The following SPTLC2 variants were observed in gnomAD, a reference collection of about 807,000 sequenced individuals.
The protein encoded by SPTLC2 is serine palmitoyltransferase 2.
A neutral mutation model predicts 62.0 loss-of-function variants in SPTLC2; 21 were observed. The observed-to-expected ratio is 0.34, with a 90% confidence interval of 0.24 to 0.49. The LOEUF (loss-of-function observed/expected upper bound fraction) is 0.49, where lower values mean the gene tolerates loss of function less well. Ranked by LOEUF, SPTLC2 falls within the 20% of genes least tolerant of loss-of-function variation. The pLI is 0.99. For missense variants in SPTLC2, 511 were observed against 713.0 expected (o/e 0.72, Z 3.23); for synonymous variants, 261 against 261.8 (o/e 1.00, Z 0.03).
chr14:77,528,374 G>A (rs1207439247), intron 9 of SPTLC2, among the ~76,000 whole-genome samples: 2 of 152,112 alleles, frequency 1.3e-5, no homozygotes, highest in Admixed American at 1.3e-4. Flanking sequence ...TGGGATTACA[G>A]GCATGTGCCA....
At chr14:77,607,841 T>G (rs528406044) in intron 1 of SPTLC2, among the ~76,000 whole-genome samples, 1 of 152,206 alleles carries the variant, frequency 6.6e-6, no homozygotes, top group African/African-American at 2.4e-5. Flanking sequence ...GTCAAGCTTA[T>G]ACAGGAGGCA....
At chr14:77,529,888 A>G (rs895477701) in intron 9 of SPTLC2, among the ~76,000 whole-genome samples, 1 of 151,642 alleles carries the variant, frequency 6.6e-6, no homozygotes, top group Non-Finnish European at 1.5e-5. Flanking sequence ...CAGTAAAGCA[A>G]TTTCTAAGCA....
intron 10 of SPTLC2, among the ~76,000 whole-genome samples, chr14:77,519,674 C>T (rs1005144294): frequency 1.3e-5 from 2 of 152,144 alleles, no homozygotes; most frequent in Admixed American, 6.5e-5. Flanking sequence ...GCCGAGATCA[C>T]GCCATTGCAC....
At chr14:77,606,203 G>A (rs568584833) in intron 1 of SPTLC2, among the ~76,000 whole-genome samples, 7 of 152,150 alleles carry the variant, frequency 4.6e-5, no homozygotes, top group African/African-American at 1.4e-4. Context: ...GGTGGCGCAC[G>A]CCCATAATCC....
intron 2 of SPTLC2, among the ~76,000 whole-genome samples, chr14:77,591,988 T>A (rs11846793): frequency 0.024 from 3,650 of 152,130 alleles, 142 homozygotes; most frequent in African/African-American, 0.084. Flanking sequence ...CCTCCCAAAG[T>A]GCTAGGATTA....
At chr14:77,598,492 T>C (rs1033774665) in intron 1 of SPTLC2, among the ~76,000 whole-genome samples, 3 of 152,248 alleles carry the variant, frequency 2.0e-5, no homozygotes, top group Admixed American at 6.5e-5. Context: ...GTAAATGTTT[T>C]ACTACCACAC....
chr14:77,586,856 A>T (rs1440943331), intron 2 of SPTLC2, among the ~76,000 whole-genome samples: 1 of 152,158 alleles, frequency 6.6e-6, no homozygotes, highest in East Asian at 1.9e-4. Context: ...CCACAATGAG[A>T]CACTAGTACA....
In SPTLC2 at chr14:77,562,418, G is replaced by A; in HGVS notation, c.828C>T (p.Thr276=). The change falls in exon 6 of 12, where the codon ACC becomes ACT. Residue 276 remains threonine (T), a synonymous_variant. Transcript: ENST00000216484. ...CACTGTTGTGTTTGAAGATTCTAAT[G>A]GTTGCTCCTGACAGTCTGGCTCCCA... is the stretch of plus-strand genomic sequence containing the variant. ...LVLGARLSGA[T]IRIFKHNNMQ... 1 of 1,614,138 alleles carries A rather than the reference G, an allele frequency of 6.2e-7. No homozygotes were observed. The highest frequency in any genetic ancestry group is 1.7e-4 in the Middle Eastern group (1 of 6,060).
intron 2 of SPTLC2, among the ~76,000 whole-genome samples, chr14:77,589,373 T>C (rs1450394335): frequency 1.3e-5 from 2 of 152,178 alleles, no homozygotes; most frequent in African/African-American, 4.8e-5. Flanking sequence ...GTCATTTGTA[T>C]GTTTGTGTGT....
chr14:77,547,199 A>G (rs2079533456), intron 9 of SPTLC2, among the ~76,000 whole-genome samples: 1 of 151,414 alleles, frequency 6.6e-6, no homozygotes, highest in African/African-American at 2.4e-5. Flanking sequence ...TCCAAACAAC[A>G]GCATTCTAGG....
At chr14:77,549,353 T>A (rs1450896998) in intron 9 of SPTLC2, among the ~76,000 whole-genome samples, 1 of 151,920 alleles carries the variant, frequency 6.6e-6, no homozygotes, top group African/African-American at 2.4e-5. Context: ...TCAGAAAAGG[T>A]CATGGGGTTT....
At chr14:77,607,808 A>AT (rs2079912923) in intron 1 of SPTLC2, among the ~76,000 whole-genome samples, 4 of 152,342 alleles carry the variant, frequency 2.6e-5, no homozygotes, top group South Asian at 4.1e-4. Flanking sequence ...TGTCCTGGAA[A>AT]TAACCTGCTT....
At chr14:77,598,732 G>T (rs757852162) in intron 1 of SPTLC2, among the ~76,000 whole-genome samples, 6 of 152,072 alleles carry the variant, frequency 3.9e-5, no homozygotes, top group Non-Finnish European at 7.4e-5. Context: ...AGGAGTTTGA[G>T]ACCAGCCTGG....
At chr14:77,581,405 CTT>C (rs1159561282) in intron 2 of SPTLC2, among the ~76,000 whole-genome samples, 44 of 94,022 alleles carry the variant, frequency 4.7e-4, no homozygotes, top group South Asian at 1.3e-3. Flanking sequence ...TACCATCTCT[CTT>C]TTTTTTTTTT....
chr14:77,519,839 G>A (rs1291084787), intron 10 of SPTLC2, among the ~76,000 whole-genome samples: 1 of 152,058 alleles, frequency 6.6e-6, no homozygotes, highest in Non-Finnish European at 1.5e-5. Flanking sequence ...TTCAGCACAT[G>A]CTCCCAAACT....
intron 1 of SPTLC2, among the ~76,000 whole-genome samples, chr14:77,607,080 TTTG>T (rs2079909514): frequency 6.6e-6 from 1 of 152,152 alleles, no homozygotes; most frequent in South Asian, 2.1e-4. Flanking sequence ...ATTTTGTTTG[TTTG>T]TTTTTTTAAG....
Position 77,576,168 on chromosome 14 carries a change from C to T in SPTLC2, c.631+599G>A, listed in dbSNP as rs550613667. On this transcript the variant is annotated intron_variant, in intron 4 of 11. Coordinates refer to ENST00000216484, the MANE Select transcript of SPTLC2 (RefSeq NM_004863.4). The stretch of plus-strand genomic sequence containing the variant: ...ATAAGTATTTGGAAAGTTTTCATAA[C>T]TTCCAGGGTTGTCAGTTCTCTGAAT... Among the ~76,000 whole-genome samples the T allele has an allele frequency of 5.3e-5, 8 of 152,356 alleles. No homozygotes were observed. In the South Asian group the frequency reaches 1.7e-3, roughly 32 times the overall value.
At chr14:77,564,255 AGGAGG>A (rs1566781593) in intron 5 of SPTLC2, among the ~76,000 whole-genome samples, 2 of 97,170 alleles carry the variant, frequency 2.1e-5, no homozygotes, top group Non-Finnish European at 4.3e-5. Context: ...AAAAAAAAGG[AGGAGG>A]AGGAGGAAGA....
At chr14:77,529,419 C>T (rs2079425634) in intron 9 of SPTLC2, among the ~76,000 whole-genome samples, 1 of 150,640 alleles carries the variant, frequency 6.6e-6, no homozygotes. Flanking sequence ...GAACTTATAT[C>T]TTAAAGACCT....
Sources: gnomAD v4.1 joint callset for allele counts (sites outside exome capture counted in the v4.1 genomes callset) on GRCh38, gnomAD v4.1.1 for gene constraint, MANE v1.5 for transcripts, NCBI Gene and HGNC (gene_info 2026-07-23, HGNC 2026-07-21) for gene names.